MYH16: variants seen among roughly 807,000 people sequenced by gnomAD.
The protein encoded by MYH16 is myosin heavy chain 16.
chr7:99,255,792 T>A (rs1175610943), intron 9 of MYH16: 3 of 152,396 alleles, frequency 2.0e-5, no homozygotes, highest in African/African-American at 4.8e-5. Flanking sequence ...CACTTAGAGC[T>A]GCCAGACAGC....
chr7:99,256,773 C>T (rs1791877670), intron 9 of MYH16, among the ~76,000 whole-genome samples: 1 of 151,944 alleles, frequency 6.6e-6, no homozygotes, highest in Non-Finnish European at 1.5e-5. Context: ...AGGACTCCAT[C>T]TATAAATAAA....
At chr7:99,273,961 T>C (rs955263780) in intron 20 of MYH16, among the ~76,000 whole-genome samples, 2 of 152,096 alleles carry the variant, frequency 1.3e-5, no homozygotes, top group African/African-American at 4.8e-5. Context: ...TTCCATCTCA[T>C]CCCTCAAAAT....
intron 1 of MYH16, among the ~76,000 whole-genome samples, chr7:99,240,265 T>C (rs1227953060): frequency 2.6e-5 from 4 of 152,080 alleles, no homozygotes; most frequent in African/African-American, 9.7e-5. Context: ...TGAATTTGGA[T>C]TCAAACCCAC....
At chr7:99,243,338 A>T (rs1248506445) in exon 2 of MYH16, 1 of 152,936 alleles carries the variant, frequency 6.5e-6, no homozygotes, top group Non-Finnish European at 1.5e-5. Context: ...CTACCAGGCC[A>T]GTGACATGGC....
At chr7:99,309,704 A>G (rs972079029), downstream of MYH16, among the ~76,000 whole-genome samples, 1 of 152,222 alleles carries the variant, frequency 6.6e-6, no homozygotes, top group Admixed American at 6.5e-5. Flanking sequence ...CCTTTAAAGC[A>G]GGTCCCCTGC....
chr7:99,260,636 A>G lies in MYH16; in HGVS notation n.1575+302A>G, dbSNP rs186810793. 5.9e-5 allele frequency: 13 copies of G among 221,734 alleles called. No homozygotes were observed. The East Asian group carries it at 1.4e-3, about 24-fold the overall frequency. 13.7% of individuals were successfully genotyped at this position (221,734 alleles called of 1,614,324 possible). ...AACATTGAGGCACAGAGATGGGAAC[A>G]TTGAGGCACAGAGAAGGGAACTTCC... On this transcript the variant is annotated intron_variant and non_coding_transcript_variant, in intron 12 of 41. Coordinates refer to ENST00000439784, the Ensembl canonical transcript of MYH16.
intron 37 of MYH16, among the ~76,000 whole-genome samples, chr7:99,300,585 T>C (rs888398880): frequency 3.9e-5 from 6 of 152,190 alleles, no homozygotes; most frequent in Non-Finnish European, 7.3e-5. Flanking sequence ...AGAGGATTGC[T>C]TGACGCCAGG....
intron 24 of MYH16, 45 bp downstream of exon 6, chr7:99,283,696 T>C (rs992181949): frequency 2.4e-5 from 11 of 456,456 alleles, no homozygotes; most frequent in African/African-American, 2.2e-4. Flanking sequence ...CAAGGCCAGA[T>C]CCCTCTGGGG....
At chr7:99,296,896 AAGG>A (rs1792507334) in exon 34 of MYH16, 4 of 457,026 alleles carry the variant, frequency 8.8e-6, no homozygotes, top group Non-Finnish European at 1.8e-5. Context: ...GTCCGTGAAG[AAGG>A]AGAATAAGAC....
rs758724971 is a variant in MYH16, at chr7:99,297,996, G to A, written n.4740+1G>A. The stretch of plus-strand genomic sequence containing the variant: ...AAGAAGAAGAATTTGAGGCTACCAG[G>A]TATGGAGCTGGTGGGATGGGAGGCT... On this transcript the variant is annotated splice_donor_variant and non_coding_transcript_variant, in intron 36 of 41. Transcript: ENST00000439784. The A allele has an allele frequency of 1.8e-5, 8 of 456,716 alleles. 1 individual carries two copies. The highest frequency in any genetic ancestry group is 1.2e-4 in the South Asian group (8 of 64,568). The allele number at this position is 456,716 out of a possible 1,614,324, so 28.3% of individuals were successfully genotyped here. A position where few individuals can be genotyped will look rare whatever the true frequency, so the allele number is the denominator to read the frequency against.
At chr7:99,294,500 C>CAAAAAA (rs1159682450) in intron 33 of MYH16, among the ~76,000 whole-genome samples, 411 of 22,884 alleles carry the variant, frequency 0.018, no homozygotes, top group Non-Finnish European at 0.031. Flanking sequence ...GACCCTGTCT[C>CAAAAAA]AAAAAAAAAA....
In MYH16 at chr7:99,283,869, G is replaced by A; in HGVS notation, n.3080-4G>A. ...ACCTTCTCTTGCTGTTCTTGTCTCT[G>A]TAGCTGGAGGATAACTGGGAGCAGG... On this transcript the variant is annotated splice_region_variant and splice_polypyrimidine_tract_variant and intron_variant and non_coding_transcript_variant, in intron 24 of 41. Transcript: ENST00000439784. 1 of 455,350 alleles carries A rather than the reference G, an allele frequency of 2.2e-6. No homozygotes were observed. The highest frequency in any genetic ancestry group is 4.4e-6 in the Non-Finnish European group (1 of 226,186). 28.2% of individuals were successfully genotyped at this position (455,350 alleles called of 1,614,324 possible). A position where few individuals can be genotyped will look rare whatever the true frequency, so the allele number is the denominator to read the frequency against.
exon 32 of MYH16, chr7:99,292,485 G>T: frequency 2.1e-6 from 1 of 470,278 alleles, no homozygotes; most frequent in Admixed American, 2.3e-5. Flanking sequence ...CCATCCAGAG[G>T]ACAGAGGAGC....
intron 6 of MYH16, among the ~76,000 whole-genome samples, chr7:99,251,353 T>A (rs1407287820): frequency 6.6e-6 from 1 of 152,168 alleles, no homozygotes; most frequent in East Asian, 1.9e-4. Flanking sequence ...AGAATCAAAT[T>A]GGCAACGAGG....
intron 21 of MYH16, among the ~76,000 whole-genome samples, chr7:99,279,076 A>G (rs1261208764): frequency 2.6e-5 from 4 of 152,072 alleles, no homozygotes; most frequent in African/African-American, 9.7e-5. Context: ...CTGTAGTCCC[A>G]CCTACTCAGG....
chr7:99,260,322 C>A (rs1297259932), exon 12 of MYH16: 1 of 1,379,342 alleles, frequency 7.2e-7, no homozygotes, highest in Non-Finnish European at 1.0e-6. Context: ...CCTGCATCGA[C>A]CTGCTGGAAA....
chr7:99,273,912 G>A (rs4729526), intron 20 of MYH16, among the ~76,000 whole-genome samples: 1 of 151,642 alleles, frequency 6.6e-6, no homozygotes, highest in Admixed American at 6.6e-5. Context: ...GGAAAGGAAG[G>A]GAGAGAGGAA....
At chr7:99,256,713 T>A (rs762011040) in intron 9 of MYH16, among the ~76,000 whole-genome samples, 1 of 152,244 alleles carries the variant, frequency 6.6e-6, no homozygotes, top group African/African-American at 2.4e-5. Context: ...AGGTGGAGGT[T>A]GCAGTGAGCG....
At chr7:99,281,523 T>C (rs747261311) in intron 23 of MYH16, among the ~76,000 whole-genome samples, 11 of 152,086 alleles carry the variant, frequency 7.2e-5, no homozygotes, top group Non-Finnish European at 1.5e-4. Flanking sequence ...GATTGCGCCA[T>C]TGCACTCCAG....
Sources: allele counts gnomAD v4.1 joint callset (sites outside exome capture counted in the v4.1 genomes callset), GRCh38; gene constraint gnomAD v4.1.1; transcripts MANE v1.5; gene names NCBI Gene and HGNC (gene_info 2026-07-23, HGNC 2026-07-21).